The following WDR17 variants were observed in gnomAD, a reference collection of about 807,000 sequenced individuals.
WDR17 encodes the protein WD repeat domain 17, also known as WD repeat-containing protein 17.
WDR17 carries 143 observed loss-of-function variants against 161.7 expected under a neutral mutation model. The ratio of observed to expected loss-of-function variants is 0.88; its 90% confidence interval spans 0.77 to 1.02. The LOEUF (loss-of-function observed/expected upper bound fraction) is 1.02, where lower values mean the gene tolerates loss of function less well. WDR17 is among the 50% of genes least tolerant of loss of function. The pLI is 0.00. For synonymous variants in WDR17, 517 were observed against 515.6 expected, an observed-to-expected ratio of 1.00 and a Z score of -0.04; for missense variants, 1,469 against 1,520.9, an observed-to-expected ratio of 0.97 and a Z score of 0.57.
At chr4:176,150,349 GTAGT>G (rs751757433) in intron 15 of WDR17, 115 bp from the exon 16 acceptor site, 347 of 1,447,330 alleles carry the variant, frequency 2.4e-4, no homozygotes, top group Admixed American at 3.0e-4. Flanking sequence ...GAGATAACAT[GTAGT>G]TATTTTGTTA....
chr4:176,111,446 A>G, intron 1 of WDR17, 129 bp from the exon 2 acceptor site: 2 of 1,024,438 alleles, frequency 2.0e-6, no homozygotes, highest in South Asian at 5.5e-5. Context: ...AATAAAAGTC[A>G]AAATTAATAG....
At chr4:176,140,092 C>A (rs554357204) in intron 10 of WDR17, 118 bp downstream of exon 10, 2 of 762,492 alleles carry the variant, frequency 2.6e-6, no homozygotes, top group South Asian at 2.7e-5. Flanking sequence ...CTCTCAGAGG[C>A]GTTATTTTTA....
chr4:176,119,851 A>G lies in WDR17; in HGVS notation c.308-16A>G. ...TGCTGTATCTTTATTATGTATCTGT[A>G]TTTAATGTATTCCAGGGATCCCTGC... On this transcript the variant is annotated splice_polypyrimidine_tract_variant and intron_variant, in intron 3 of 28. Transcript: ENST00000508596. The G allele has an allele frequency of 1.9e-6, 3 of 1,605,676 alleles. No individual in the cohort carries two copies. The highest frequency in any genetic ancestry group is 1.7e-6 in the Non-Finnish European group (2 of 1,172,398).
chr4:176,102,750 A>C (rs1362380666), intron 1 of WDR17, among the ~76,000 whole-genome samples: 1 of 152,156 alleles, frequency 6.6e-6, no homozygotes, highest in African/African-American at 2.4e-5. Context: ...AGTCTGTCTG[A>C]TGTAATTATT....
chr4:176,086,565 A>G lies in WDR17; in HGVS notation c.-7+20486A>G, dbSNP rs1429395847. ...TAAGCAACGTTCCTCTCTTTTTGGT[A>G]ATATTTCTTGCCTCAAAATCTATTT... On this transcript the variant is annotated intron_variant, in intron 1 of 28. Coordinates refer to ENST00000508596, the MANE Select transcript of WDR17 (RefSeq NM_181265.4). 2.6e-5 allele frequency among the ~76,000 whole-genome samples: 4 copies of G among 151,868 alleles called. No individual in the cohort carries two copies. In the South Asian group the frequency reaches 6.2e-4, roughly 24 times the overall value.
intron 23 of WDR17, among the ~76,000 whole-genome samples, chr4:176,169,882 T>A (rs548977267): frequency 1.3e-5 from 2 of 152,358 alleles, no homozygotes; most frequent in African/African-American, 4.8e-5. Context: ...CCTTGTAGTC[T>A]GTGAATTATT....
intron 1 of WDR17, among the ~76,000 whole-genome samples, chr4:176,073,036 T>A (rs547627575): frequency 6.6e-6 from 1 of 152,288 alleles, no homozygotes; most frequent in South Asian, 2.1e-4. Flanking sequence ...TATATTTTGC[T>A]TTCCTTCAAA....
intron 22 of WDR17, among the ~76,000 whole-genome samples, chr4:176,165,205 T>TA (rs1377452112): frequency 7.0e-6 from 1 of 142,232 alleles, no homozygotes; most frequent in African/African-American, 2.6e-5. Flanking sequence ...AATACAAAAA[T>TA]AAAAAATAAA....
At chr4:176,156,667 G>T (rs1294091685) in intron 18 of WDR17, among the ~76,000 whole-genome samples, 1 of 142,204 alleles carries the variant, frequency 7.0e-6, no homozygotes, top group Non-Finnish European at 1.5e-5. Context: ...CTAGTTTCCT[G>T]GGGTTGCCGT....
chr4:176,168,847 T>A, intron 23 of WDR17, 64 bp downstream of exon 23: 1 of 1,547,750 alleles, frequency 6.5e-7, no homozygotes, highest in African/African-American at 1.4e-5. Context: ...TAATTGTAGG[T>A]TCAAGCAAAT....
intron 1 of WDR17, among the ~76,000 whole-genome samples, chr4:176,066,652 C>A (rs970155867): frequency 1.3e-5 from 2 of 152,036 alleles, no homozygotes; most frequent in Non-Finnish European, 2.9e-5. Context: ...AAGGAACAAA[C>A]AATTTAAGGA....
intron 23 of WDR17, among the ~76,000 whole-genome samples, chr4:176,171,090 G>A (rs1007355783): frequency 6.6e-6 from 1 of 152,202 alleles, no homozygotes; most frequent in Admixed American, 6.5e-5. Flanking sequence ...GAATGGTGGT[G>A]TGGGTACTCA....
At chr4:176,158,893 A>G (rs1407463126) in intron 18 of WDR17, among the ~76,000 whole-genome samples, 2 of 152,142 alleles carry the variant, frequency 1.3e-5, no homozygotes, top group African/African-American at 2.4e-5. Context: ...CAGTCTCTCA[A>G]TCATAGTTTC....
At position 176,120,887 on chromosome 4, in the gene WDR17, TG is replaced by T. The variant is rs1408360394; in HGVS notation, c.538+791del. Among the ~76,000 whole-genome samples the T allele has an allele frequency of 5.3e-5, 8 of 152,112 alleles. No homozygotes were observed. The East Asian group carries it at 1.5e-3, about 29-fold the overall frequency. ...AAAAAAGAAATTGAAATTGAACAAA[TG>T]AAATTGTGAAAATTTAAATAAATCT... On this transcript the variant is annotated intron_variant, in intron 4 of 28. Transcript: ENST00000508596.
Position 176,179,641 on chromosome 4 carries a change from T to TA in WDR17, c.*63dup, listed in dbSNP as rs911954192. The TA allele has an allele frequency of 3.9e-5, 56 of 1,423,120 alleles. No homozygotes were observed. In the African/African-American group the frequency reaches 7.7e-4, roughly 20 times the overall value. The allele number at this position is 1,423,120 out of a possible 1,614,324, so 88.2% of individuals were successfully genotyped here. ...AAGAAAAACTTTCATGGGTTAGCAT[T>TA]ACCTTAATCTTTGTTGCTCAAGTGC... On this transcript the variant is annotated 3_prime_UTR_variant, in exon 29 of 29. Coordinates refer to ENST00000508596, the MANE Select transcript of WDR17 (RefSeq NM_181265.4).
rs766138696 is a variant in WDR17 at position 176,174,675 on chromosome 4, A to T, written c.3406A>T (p.Arg1136Ter). The stretch of plus-strand genomic sequence containing the variant: ...CATTGGTGCATTACTGGCTATCAGA[A>T]GACAGTACCAAAGCATTGTTCCAGC... The part of the protein sequence containing the change: ...GYIGALLAIR[R>*]QYQSIVPALY... Residue 1136 changes from arginine to a stop codon, truncating the protein, a stop_gained, in exon 26 of 29, where the codon AGA (arginine) becomes TGA (stop). Transcript: ENST00000508596. LOFTEE classifies it high-confidence loss of function. 1 of 1,612,492 alleles carries T rather than the reference A, an allele frequency of 6.2e-7. No individual in the cohort carries two copies. Among genetic ancestry groups the T allele is most frequent in the Non-Finnish European group, 8.5e-7 (1 of 1,178,998 alleles).
At chr4:176,162,274 T>C (rs1579232666) in intron 21 of WDR17, 100 bp downstream of exon 21, 2 of 1,036,604 alleles carry the variant, frequency 1.9e-6, no homozygotes, top group East Asian at 2.7e-5. Flanking sequence ...TGAGATCTGG[T>C]TTTGCATGTC....
In WDR17 at chr4:176,135,190, T is replaced by C. The variant is rs754813414; in HGVS notation, c.1181T>C (p.Ile394Thr). ...LLATASFDGTIKVWDINTLTA... is the reference protein window; with the variant it reads ...LLATASFDGTTKVWDINTLTA... ...GCAACAGCTTCATTTGATGGCACTA[T>C]AAAAGTCTGGGATATAAACACATTA... Residue 394 changes from isoleucine to threonine, a missense_variant, in exon 8 of 29, where the codon ATA (isoleucine) becomes ACA (threonine). Coordinates refer to ENST00000508596, the MANE Select transcript of WDR17 (RefSeq NM_181265.4). The C allele has an allele frequency of 1.9e-6, 3 of 1,612,414 alleles. No homozygotes were observed. Among genetic ancestry groups the C allele is most frequent in the Admixed American group, 3.3e-5 (2 of 59,958 alleles).
chr4:176,125,472 T>A, intron 5 of WDR17, 117 bp downstream of exon 5: 2 of 1,221,226 alleles, frequency 1.6e-6, no homozygotes, highest in Non-Finnish European at 2.2e-6. Flanking sequence ...GCTCAATTAT[T>A]ATTTATTGTA....
Sources: gnomAD v4.1 joint callset for allele counts (sites outside exome capture counted in the v4.1 genomes callset) on GRCh38, gnomAD v4.1.1 for gene constraint, MANE v1.5 for transcripts, NCBI Gene and HGNC (gene_info 2026-07-23, HGNC 2026-07-21) for gene names.